The following ZNF618 variants were observed in gnomAD, a reference collection of about 807,000 sequenced individuals.
The protein encoded by ZNF618 is neural precursor cell expressed, developmentally down-regulated 10.
ZNF618 carries 34 observed loss-of-function variants against 103.0 expected under a neutral mutation model. That is an observed-to-expected ratio of 0.33 (90% CI 0.25 to 0.44). The LOEUF is 0.44. ZNF618 is among the 20% of genes least tolerant of loss of function. The pLI, the probability that ZNF618 is intolerant of heterozygous loss-of-function variation, is 1.00. For synonymous variants in ZNF618, 551 were observed against 542.2 expected (o/e 1.02, Z -0.23); for missense variants, 1,059 against 1,295.4 (o/e 0.82, Z 2.80).
At chr9:113,970,249 A>G (rs1252319058) in intron 2 of ZNF618, among the ~76,000 whole-genome samples, 2 of 151,972 alleles carry the variant, frequency 1.3e-5, no homozygotes, top group African/African-American at 2.4e-5. Context: ...CGTTCATTGC[A>G]TTGAGCAAGT....
intron 2 of ZNF618, 147 bp downstream of exon 2, chr9:113,969,307 C>A: frequency 1.0e-6 from 1 of 975,550 alleles, no homozygotes. Flanking sequence ...CCAGACTTCC[C>A]CAAAGAATGT....
chr9:113,990,413 T>G (rs573099217), intron 3 of ZNF618, among the ~76,000 whole-genome samples: 2 of 152,272 alleles, frequency 1.3e-5, no homozygotes, highest in South Asian at 4.2e-4. Flanking sequence ...CTGGGAGTGG[T>G]AATGTTGACA....
intron 3 of ZNF618, among the ~76,000 whole-genome samples, chr9:113,997,824 G>A (rs1024590588): frequency 5.3e-5 from 8 of 152,198 alleles, no homozygotes; most frequent in African/African-American, 1.9e-4. Flanking sequence ...GCCAGGCGTC[G>A]GGGCTGAGGA....
chr9:113,977,673 A>G (rs894461353), intron 2 of ZNF618, among the ~76,000 whole-genome samples: 21 of 152,310 alleles, frequency 1.4e-4, no homozygotes, highest in Admixed American at 1.0e-3. Context: ...TGCCAGACCC[A>G]TTGGTAAACG....
chr9:113,879,692 G>C (rs1039155699), intron 1 of ZNF618, among the ~76,000 whole-genome samples: 1 of 151,810 alleles, frequency 6.6e-6, no homozygotes, highest in African/African-American at 2.4e-5. Flanking sequence ...ATTTGATGAT[G>C]GGCTGAATTA....
chr9:113,956,259 T>G (rs1836286796), intron 1 of ZNF618, among the ~76,000 whole-genome samples: 1 of 142,922 alleles, frequency 7.0e-6, no homozygotes, highest in Non-Finnish European at 1.5e-5. Flanking sequence ...TGGACTAGAT[T>G]AGAGGGGGCA....
At chr9:113,885,713 C>T (rs1829001754) in intron 1 of ZNF618, among the ~76,000 whole-genome samples, 2 of 152,174 alleles carry the variant, frequency 1.3e-5, no homozygotes. Flanking sequence ...TCCTTAAACC[C>T]TTCCAGGCTT....
At chr9:113,945,876 A>T (rs553585703) in intron 1 of ZNF618, among the ~76,000 whole-genome samples, 1 of 152,358 alleles carries the variant, frequency 6.6e-6, no homozygotes, top group Admixed American at 6.5e-5. Context: ...TTTGGGGATG[A>T]AAGGCGTGAT....
chr9:114,049,801 C>A lies in ZNF618; in HGVS notation c.2499C>A (p.Ile833=). ...TCATCGGCAAGGTCTGTGAGCTCAT[C>A]AACGAGGTGAAGGAGTCCTGGGCCG... The part of the protein sequence containing the change: ...EEIIGKVCEL[I]NEVKESWAEE... Residue 833 remains isoleucine (I), a synonymous_variant, in exon 15 of 15, where the codon ATC becomes ATA. Coordinates refer to ENST00000374126, the MANE Select transcript of ZNF618 (RefSeq NM_001318042.2). The A allele has an allele frequency of 6.2e-7, 1 of 1,613,982 alleles. No homozygotes were observed. The highest frequency in any genetic ancestry group is 1.1e-5 in the South Asian group (1 of 91,086).
chr9:113,892,007 A>G (rs1343897283), intron 1 of ZNF618, among the ~76,000 whole-genome samples: 6 of 152,216 alleles, frequency 3.9e-5, no homozygotes, highest in African/African-American at 1.4e-4. Context: ...CCCACTCATA[A>G]GAGAAATTGA....
intron 2 of ZNF618, among the ~76,000 whole-genome samples, chr9:113,969,538 G>T (rs1837750241): frequency 6.6e-6 from 1 of 152,210 alleles, no homozygotes; most frequent in Admixed American, 6.5e-5. Flanking sequence ...ATGTGCTAGT[G>T]TCATGTGCTC....
rs146489057 is a variant in ZNF618 at position 113,924,714 on chromosome 9, A to G, written c.34-44403A>G. Reference sequence around the variant, plus strand: ...CTTGCTGCTTCCCATAAATGTTGATAATTGTATTTTCATTTTCGCTTAGTT... The same window carrying G: ...CTTGCTGCTTCCCATAAATGTTGATGATTGTATTTTCATTTTCGCTTAGTT... On this transcript the variant is annotated intron_variant, in intron 1 of 14. Coordinates refer to ENST00000374126, the MANE Select transcript of ZNF618 (RefSeq NM_001318042.2). Among the ~76,000 whole-genome samples, 11 of 151,746 alleles carry G rather than the reference A, an allele frequency of 7.2e-5. No individual in the cohort carries two copies. The East Asian group carries it at 2.1e-3, about 29-fold the overall frequency.
chr9:113,993,585 A>G (rs1329872013), intron 3 of ZNF618, among the ~76,000 whole-genome samples: 2 of 152,178 alleles, frequency 1.3e-5, no homozygotes, highest in Non-Finnish European at 2.9e-5. Flanking sequence ...CTGTGAAACC[A>G]CTGGTCCTTA....
intron 3 of ZNF618, among the ~76,000 whole-genome samples, chr9:113,993,921 C>T (rs1170443582): frequency 3.3e-5 from 5 of 152,284 alleles, no homozygotes; most frequent in African/African-American, 1.2e-4. Flanking sequence ...GGAAGGACTT[C>T]GTGTGATCAT....
At chr9:113,938,929 A>T (rs576328650) in intron 1 of ZNF618, among the ~76,000 whole-genome samples, 7 of 152,188 alleles carry the variant, frequency 4.6e-5, no homozygotes, top group Non-Finnish European at 4.4e-5. Flanking sequence ...TTGACTTGCG[A>T]ATATTTATCC....
Position 113,940,586 on chromosome 9 carries a change from T to C in ZNF618, c.34-28531T>C, listed in dbSNP as rs10448275. ...TATGTCAGTTAAAATTTTGGGGGGG[T>C]GGTTCTTGATAATTATTTTGTTTGC... On this transcript the variant is annotated intron_variant, in intron 1 of 14. Coordinates refer to ENST00000374126, the MANE Select transcript of ZNF618 (RefSeq NM_001318042.2). Among the ~76,000 whole-genome samples, 40 of 147,804 alleles carry C rather than the reference T, an allele frequency of 2.7e-4. 1 individual carries two copies. The East Asian group carries it at 7.1e-3, about 26-fold the overall frequency.
intron 1 of ZNF618, among the ~76,000 whole-genome samples, chr9:113,892,698 T>C (rs1329272878): frequency 1.3e-5 from 2 of 152,228 alleles, no homozygotes; most frequent in African/African-American, 4.8e-5. Context: ...ACAGAAATTA[T>C]ACATTTCTTC....
intron 1 of ZNF618, among the ~76,000 whole-genome samples, chr9:113,967,874 C>G (rs1837563022): frequency 6.6e-6 from 1 of 152,152 alleles, no homozygotes; most frequent in African/African-American, 2.4e-5. Context: ...CCATGTAGGA[C>G]TAGGTATCAT....
chr9:114,017,144 C>T (rs776521098), intron 10 of ZNF618, among the ~76,000 whole-genome samples: 15 of 152,218 alleles, frequency 9.9e-5, no homozygotes, highest in Non-Finnish European at 2.2e-4. Context: ...AAAGCCAGTT[C>T]CGCATGATGC....
Sources: allele counts gnomAD v4.1 joint callset (sites outside exome capture counted in the v4.1 genomes callset), GRCh38; gene constraint gnomAD v4.1.1; transcripts MANE v1.5; gene names NCBI Gene and HGNC (gene_info 2026-07-23, HGNC 2026-07-21).